ZC3H3: variants seen among roughly 807,000 people sequenced by gnomAD.
ZC3H3 encodes zinc finger CCCH-type containing 3, also known as zinc finger CCCH domain-containing protein 3.
ZC3H3 carries 36 observed loss-of-function variants against 77.3 expected under a neutral mutation model. The ratio of observed to expected loss-of-function variants is 0.47; its 90% CI spans 0.36 to 0.61. The LOEUF is 0.61. ZC3H3 is among the 20% of genes least tolerant of loss of function. ZC3H3 has a pLI of 0.00. For missense variants in ZC3H3, 1,331 were observed against 1,312.2 expected, an observed-to-expected ratio of 1.01 and a Z score of -0.22; for synonymous variants, 626 against 555.2, an observed-to-expected ratio of 1.13 and a Z score of -1.79.
At chr8:143,522,140 G>A (rs1037378745) in intron 3 of ZC3H3, among the ~76,000 whole-genome samples, 3 of 152,156 alleles carry the variant, frequency 2.0e-5, no homozygotes, top group East Asian at 1.9e-4. Flanking sequence ...AGTTCACCCC[G>A]AAACAGAACT....
chr8:143,526,687 G>T (rs1284603376), intron 3 of ZC3H3, among the ~76,000 whole-genome samples: 1 of 152,138 alleles, frequency 6.6e-6, no homozygotes, highest in South Asian at 2.1e-4. Context: ...GGCACAGAAG[G>T]CTACAGCCCC....
chr8:143,471,864 G>T (rs543021732), intron 5 of ZC3H3, among the ~76,000 whole-genome samples: 2 of 152,372 alleles, frequency 1.3e-5, no homozygotes, highest in South Asian at 4.1e-4. Context: ...TAAGTGGGCT[G>T]GTCAGCGGTA....
intron 5 of ZC3H3, among the ~76,000 whole-genome samples, chr8:143,470,202 C>A (rs1411280365): frequency 6.6e-6 from 1 of 152,236 alleles, no homozygotes; most frequent in Non-Finnish European, 1.5e-5. Flanking sequence ...TGCTGCCCTT[C>A]ACCCTCAGGG....
chr8:143,471,866 T>C (rs1820575179), intron 5 of ZC3H3, among the ~76,000 whole-genome samples: 1 of 152,218 alleles, frequency 6.6e-6, no homozygotes, highest in African/African-American at 2.4e-5. Context: ...AGTGGGCTGG[T>C]CAGCGGTATC....
At chr8:143,461,576 T>C (rs148643890) in intron 9 of ZC3H3, among the ~76,000 whole-genome samples, 424 of 152,210 alleles carry the variant, frequency 2.8e-3, no homozygotes, top group Middle Eastern at 0.017. Flanking sequence ...GGCAGTATTA[T>C]TCACGACAGC....
At chr8:143,514,528 G>A (rs1821971437) in intron 3 of ZC3H3, among the ~76,000 whole-genome samples, 1 of 152,200 alleles carries the variant, frequency 6.6e-6, no homozygotes, top group South Asian at 2.1e-4. Context: ...TGGGCGGTGG[G>A]CATGCACACA....
chr8:143,448,169 G>C (rs1469847343), intron 9 of ZC3H3, among the ~76,000 whole-genome samples: 1 of 152,020 alleles, frequency 6.6e-6, no homozygotes, highest in Non-Finnish European at 1.5e-5. Context: ...AGCCAGGCGT[G>C]GTGGGGCATG....
intron 3 of ZC3H3, among the ~76,000 whole-genome samples, chr8:143,529,871 G>A (rs1822545627): frequency 6.6e-6 from 1 of 152,158 alleles, no homozygotes. Flanking sequence ...GGGCATCCAG[G>A]CCCCAAAAGA....
chr8:143,517,631 A>C (rs1822102283), intron 3 of ZC3H3, among the ~76,000 whole-genome samples: 1 of 152,016 alleles, frequency 6.6e-6, no homozygotes, highest in Non-Finnish European at 1.5e-5. Context: ...AGCTCTCCCC[A>C]CTGGCCTGCA....
intron 3 of ZC3H3, among the ~76,000 whole-genome samples, chr8:143,529,116 C>T (rs1354536044): frequency 2.0e-5 from 3 of 152,176 alleles, no homozygotes; most frequent in Admixed American, 6.5e-5. Flanking sequence ...GGGTGGGGGA[C>T]GGGCCTGGCC....
chr8:143,513,175 A>G (rs1187784850), intron 3 of ZC3H3, among the ~76,000 whole-genome samples: 1 of 152,136 alleles, frequency 6.6e-6, no homozygotes, highest in African/African-American at 2.4e-5. Context: ...AGCTGGCTCC[A>G]CAGCCTCTGG....
At chr8:143,441,734 C>A (rs1033465854) in intron 9 of ZC3H3, among the ~76,000 whole-genome samples, 1 of 152,178 alleles carries the variant, frequency 6.6e-6, no homozygotes, top group African/African-American at 2.4e-5. Flanking sequence ...AAGAGGCTGC[C>A]CAAGGCCCCA....
intron 4 of ZC3H3, among the ~76,000 whole-genome samples, chr8:143,486,164 G>A (rs1333933626): frequency 3.3e-5 from 5 of 152,262 alleles, no homozygotes; most frequent in Non-Finnish European, 7.3e-5. Context: ...CTGCAAGATG[G>A]ACACACATGG....
intron 3 of ZC3H3, among the ~76,000 whole-genome samples, chr8:143,527,576 A>T (rs1234097226): frequency 6.6e-6 from 1 of 152,244 alleles, no homozygotes; most frequent in Admixed American, 6.5e-5. Context: ...AATTTATGCA[A>T]GATTCAAAGA....
At chr8:143,440,659 G>A (rs367645890) in intron 10 of ZC3H3, among the ~76,000 whole-genome samples, 5 of 152,300 alleles carry the variant, frequency 3.3e-5, no homozygotes, top group African/African-American at 4.8e-5. Flanking sequence ...GACTCCTCCC[G>A]GGGCTGGGCC....
intron 5 of ZC3H3, among the ~76,000 whole-genome samples, chr8:143,471,666 G>T (rs930852326): frequency 1.3e-5 from 2 of 151,896 alleles, no homozygotes; most frequent in East Asian, 3.9e-4. Context: ...GGAGGGCTCG[G>T]CTTCAGGGAC....
chr8:143,513,007 G>A (rs1821920167), intron 3 of ZC3H3, among the ~76,000 whole-genome samples: 1 of 152,092 alleles, frequency 6.6e-6, no homozygotes, highest in South Asian at 2.1e-4. Flanking sequence ...GAGGAGTCGG[G>A]GCTGCAAGAG....
At chr8:143,532,734 G>A (rs1822657743) in intron 3 of ZC3H3, among the ~76,000 whole-genome samples, 1 of 152,232 alleles carries the variant, frequency 6.6e-6, no homozygotes, top group South Asian at 2.1e-4. Context: ...TCAGTTCCTA[G>A]GCAGGCAGGC....
At chr8:143,453,213 G>T (rs1217238764) in intron 9 of ZC3H3, among the ~76,000 whole-genome samples, 1 of 152,098 alleles carries the variant, frequency 6.6e-6, no homozygotes, top group Non-Finnish European at 1.5e-5. Flanking sequence ...GAGTAGCTGG[G>T]ACCACAGGCG....
Sources: allele counts gnomAD v4.1 joint callset (sites outside exome capture counted in the v4.1 genomes callset), GRCh38; gene constraint gnomAD v4.1.1; transcripts MANE v1.5; gene names NCBI Gene and HGNC (gene_info 2026-07-23, HGNC 2026-07-21).